The following PDE1B variants were observed in gnomAD, a reference collection of about 807,000 sequenced individuals.
PDE1B encodes phosphodiesterase 1B.
PDE1B carries 13 observed loss-of-function variants against 66.7 expected under a neutral mutation model. That is an observed-to-expected ratio of 0.19 (90% confidence interval 0.13 to 0.31). PDE1B has a LOEUF of 0.31. PDE1B is among the 10% of genes least tolerant of loss of function. The pLI is 1.00. For missense variants in PDE1B, 485 were observed against 682.3 expected (o/e 0.71, Z 3.22); for synonymous variants, 230 against 253.9 (o/e 0.91, Z 0.90).
chr12:54,565,227 C>T (rs1957493196), intron 2 of PDE1B, among the ~76,000 whole-genome samples: 1 of 152,138 alleles, frequency 6.6e-6, no homozygotes, highest in Non-Finnish European at 1.5e-5. Flanking sequence ...AAGCAGAAGG[C>T]TGGGGTGGGA....
chr12:54,570,300 C>T lies in PDE1B; in HGVS notation c.537C>T (p.Ala179=). Residue 179 remains alanine (A), a synonymous_variant, in exon 6 of 16, where the codon GCC becomes GCT. Transcript: ENST00000243052. ...TGAACCAGGCAGCAGATGACCATGC[C>T]CTGAGGACCATTGTTTTTGAGTTGC... ...FSLNQAADDH[A]LRTIVFELLT... is the part of the protein sequence containing the mutation. The T allele has an allele frequency of 6.2e-7, 1 of 1,613,826 alleles. No homozygotes were observed. Among genetic ancestry groups the T allele is most frequent in the Middle Eastern group, 1.6e-4 (1 of 6,062 alleles).
rs1260868677 is a variant in PDE1B, at chr12:54,569,555, G to A, written c.420G>A (p.Arg140=). The change falls in exon 5 of 16, where the codon CGG becomes CGA. Residue 140 remains arginine, a synonymous_variant. Transcript: ENST00000243052. This position sits in a 1 kb window ranked among gnomAD's most constrained non-coding sequence, Gnocchi z 4.4. ...CATTGTTCTCTCTCAGGATGTTCCG[G>A]AGAACATACACCTCTGTGGGCCCCA... ...QAGIFVERMF[R]RTYTSVGPTY... The A allele has an allele frequency of 6.2e-7, 1 of 1,612,954 alleles. No homozygotes were observed. Among genetic ancestry groups the A allele is most frequent in the Non-Finnish European group, 8.5e-7 (1 of 1,179,072 alleles).
rs1252276530 is a variant in PDE1B, at chr12:54,549,658, C to T, written c.-128C>T. The T allele has an allele frequency of 1.0e-5, 5 of 493,134 alleles. No homozygotes were observed. Among genetic ancestry groups the T allele is most frequent in the Non-Finnish European group, 1.8e-5 (5 of 279,282 alleles). 30.5% of individuals were successfully genotyped at this position (493,134 alleles called of 1,614,324 possible). ...GCAGCGGCGGTGCGGAGAGCTTGGA[C>T]TGGGAGCCCAAAGCTCGGCTGGGCA... On this transcript the variant is annotated 5_prime_UTR_variant, in exon 1 of 16. Transcript: ENST00000243052.
intron 2 of PDE1B, among the ~76,000 whole-genome samples, chr12:54,552,433 A>C (rs934012775): frequency 6.6e-5 from 10 of 152,182 alleles, no homozygotes; most frequent in South Asian, 4.1e-4. Flanking sequence ...TATTTATCTA[A>C]CTATCTATCT....
chr12:54,576,304 AT>A, intron 13 of PDE1B: 1 of 601,980 alleles, frequency 1.7e-6, no homozygotes, highest in Non-Finnish European at 3.0e-6. Flanking sequence ...CCTTCACCAT[AT>A]TTTTGTTTCT....
At chr12:54,550,310 C>A (rs770857895) in intron 2 of PDE1B, 2 of 1,042,654 alleles carry the variant, frequency 1.9e-6, no homozygotes, top group Admixed American at 4.1e-5. Context: ...AGTAGAGGTG[C>A]CAGGCTGACT....
Position 54,569,201 on chromosome 12 carries a change from A to G in PDE1B, c.245A>G (p.Glu82Gly). The G allele has an allele frequency of 6.2e-7, 1 of 1,608,018 alleles. No homozygotes were observed. Among genetic ancestry groups the G allele is most frequent in the Non-Finnish European group, 8.5e-7 (1 of 1,176,064 alleles). The change falls in exon 4 of 16, where the codon GAG (glutamate) becomes GGG (glycine). Residue 82 changes from glutamate to glycine, a missense_variant. By Grantham distance (98) the Glu-to-Gly change is moderately conservative. Coordinates refer to ENST00000243052, the MANE Select transcript of PDE1B (RefSeq NM_000924.4). The surrounding 1 kb of genome is among the most constrained non-coding windows in gnomAD (Gnocchi z 4.4). ...IDETRQILDT[E>G]DELQELRSDA... ...GGTCTCAGGCAAATCTTGGACACGG[A>G]GGACGAGCTGCAGGAGCTGCGGTCA...
At position 54,577,277 on chromosome 12, in the gene PDE1B, C is replaced by G. The variant is rs773155233; in HGVS notation, c.1560C>G (p.Ala520=). 3 of 1,613,654 alleles carry G rather than the reference C, an allele frequency of 1.9e-6. No individual in the cohort carries two copies. In the South Asian group the frequency reaches 3.3e-5, roughly 18 times the overall value. The change falls in exon 15 of 16, where the codon GCC becomes GCG. Residue 520 remains alanine (A), a synonymous_variant. Coordinates refer to ENST00000243052, the MANE Select transcript of PDE1B (RefSeq NM_000924.4). ...IDELSPCEEE[A]PPSPAEDEHN... is the part of the protein sequence containing the mutation. ...AGCTGTCCCCCTGTGAAGAAGAGGC[C>G]CCCCCATCCCCTGCCGAAGATGAAC...
At chr12:54,563,522 C>G (rs1957458146) in intron 2 of PDE1B, among the ~76,000 whole-genome samples, 1 of 152,164 alleles carries the variant, frequency 6.6e-6, no homozygotes, top group South Asian at 2.1e-4. Context: ...AGGGAGCTTC[C>G]TAATTACCAG....
chr12:54,553,030 G>A (rs1035295121), intron 2 of PDE1B, among the ~76,000 whole-genome samples: 15 of 152,354 alleles, frequency 9.8e-5, no homozygotes, highest in African/African-American at 3.6e-4. Flanking sequence ...CTATGGACCA[G>A]GTGGCATGCT....
intron 6 of PDE1B, chr12:54,572,324 C>T: frequency 2.5e-6 from 1 of 405,690 alleles, no homozygotes; most frequent in Non-Finnish European, 4.5e-6. Flanking sequence ...AGAGCATTTA[C>T]TAAATGCCTT....
Position 54,575,820 on chromosome 12 carries a change from G to T in PDE1B, c.1268-172G>T. On this transcript the variant is annotated intron_variant, in intron 12 of 15. Coordinates refer to ENST00000243052, the MANE Select transcript of PDE1B (RefSeq NM_000924.4). This position sits in a 1 kb window ranked among gnomAD's most constrained non-coding sequence, Gnocchi z 4.0. ...CAATGGCAGGAAGGAGCTCTCTGGG[G>T]CACCAAGACATCATCCCAAAGCCTG... The T allele has an allele frequency of 4.2e-6, 3 of 719,056 alleles. 1 individual carries two copies. The South Asian group carries it at 4.9e-5, about 12-fold the overall frequency. 44.5% of individuals were successfully genotyped at this position (719,056 alleles called of 1,614,324 possible).
chr12:54,554,993 C>T (rs1236001785), intron 2 of PDE1B, among the ~76,000 whole-genome samples: 12 of 152,004 alleles, frequency 7.9e-5, no homozygotes, highest in Non-Finnish European at 1.5e-4. Context: ...AGGTTTGAGC[C>T]GTGATTGAAG....
rs559854048 is a variant in PDE1B at position 54,561,037 on chromosome 12, C to T, written c.114-5937C>T. ...GTGGGAAGTTCATCCCCCTGTCTTG[C>T]TTCCATTCTGTGAGGTGGGTTAAAG... On this transcript the variant is annotated intron_variant, in intron 2 of 15. Transcript: ENST00000243052. Among the ~76,000 whole-genome samples the T allele has an allele frequency of 1.1e-4, 16 of 152,254 alleles. No individual in the cohort carries two copies. In the South Asian group the frequency reaches 3.3e-3, roughly 32 times the overall value.
At position 54,569,447 on chromosome 12, in the gene PDE1B, C is replaced by T; in HGVS notation, c.410+81C>T. The T allele has an allele frequency of 1.9e-6, 3 of 1,586,670 alleles. No homozygotes were observed. Among genetic ancestry groups the T allele is most frequent in the East Asian group, 2.2e-5 (1 of 44,530 alleles). ...AGCCACCCTGGTCTTCCATGACCAC[C>T]AGCCATATGATCCCATGGCTCATCC... On this transcript the variant is annotated intron_variant, in intron 4 of 15. Transcript: ENST00000243052. The surrounding 1 kb of genome is among the most constrained non-coding windows in gnomAD (Gnocchi z 4.4).
intron 13 of PDE1B, 200 bp from the exon 14 acceptor site, chr12:54,576,371 A>G (rs1199410528): frequency 3.2e-6 from 2 of 633,788 alleles, no homozygotes; most frequent in Non-Finnish European, 5.4e-6. Flanking sequence ...TCCTTCTACC[A>G]GGAGGGAAGA....
At chr12:54,561,443 A>C (rs747989250) in intron 2 of PDE1B, 35 of 1,266,378 alleles carry the variant, frequency 2.8e-5, no homozygotes, top group Non-Finnish European at 3.3e-5. Context: ...CCCTCCCCAA[A>C]GTTCTCTCTG....
intron 6 of PDE1B, 27 bp downstream of exon 6, chr12:54,570,384 C>G: frequency 2.3e-6 from 3 of 1,280,794 alleles, no homozygotes; most frequent in Non-Finnish European, 3.4e-6. Flanking sequence ...CCTCTACCTC[C>G]AGGCAGGATT....
chr12:54,561,442 A>G, intron 2 of PDE1B: 2 of 1,266,482 alleles, frequency 1.6e-6, no homozygotes, highest in Non-Finnish European at 2.0e-6. Context: ...CCCCTCCCCA[A>G]AGTTCTCTCT....
Sources: gnomAD v4.1 joint callset for allele counts (sites outside exome capture counted in the v4.1 genomes callset) on GRCh38, gnomAD v4.1.1 for gene constraint, Gnocchi (gnomAD v3.1) non-coding constraint, MANE v1.5 for transcripts, NCBI Gene and HGNC (gene_info 2026-07-23, HGNC 2026-07-21) for gene names.